ATM: variants seen among roughly 807,000 people sequenced by gnomAD.
ATM encodes the protein serine-protein kinase ATM.
In ATM, 308 loss-of-function variants were observed where a neutral mutation model predicts 387.0. The observed-to-expected ratio is 0.80, with a 90% CI of 0.73 to 0.87. The LOEUF is 0.87. Ranked by LOEUF, ATM falls within the 40% of genes least tolerant of loss-of-function variation. The pLI, the probability that ATM is intolerant of heterozygous loss-of-function variation, is 0.00. For missense variants in ATM, 3,312 were observed against 3,560.9 expected (o/e 0.93, Z 1.78); for synonymous variants, 1,156 against 1,187.3 (o/e 0.97, Z 0.54).
intron 22 of ATM, among the ~76,000 whole-genome samples, chr11:108,277,613 G>A (rs549855179): frequency 3.3e-5 from 5 of 152,230 alleles, no homozygotes; most frequent in South Asian, 4.1e-4. Context: ...AGTCCCTCAC[G>A]GCTTCCCTTG....
intron 59 of ATM, among the ~76,000 whole-genome samples, chr11:108,348,904 T>C (rs2088827294): frequency 6.6e-6 from 1 of 152,192 alleles, no homozygotes; most frequent in African/African-American, 2.4e-5. Context: ...ATAATGAAGC[T>C]GGTTTGGTTA....
chr11:108,284,848 C>G (rs994950964), intron 26 of ATM, among the ~76,000 whole-genome samples: 2 of 152,200 alleles, frequency 1.3e-5, no homozygotes, highest in Non-Finnish European at 2.9e-5. Flanking sequence ...AAGCTTTCCA[C>G]TTTTCAAGAA....
chr11:108,282,450 T>A (rs1474692175), intron 24 of ATM, among the ~76,000 whole-genome samples: 1 of 152,076 alleles, frequency 6.6e-6, no homozygotes, highest in Non-Finnish European at 1.5e-5. Flanking sequence ...AATCTTCCTT[T>A]AAGTATAACC....
Position 108,253,820 on chromosome 11 carries a change from C to T in ATM, c.1905C>T (p.His635=), listed in dbSNP as rs1020808836. The T allele has an allele frequency of 3.7e-6, 6 of 1,612,864 alleles. No individual in the cohort carries two copies. The African/African-American group carries it at 6.7e-5, about 18-fold the overall frequency. The change falls in exon 13 of 63, where the codon CAC becomes CAT. Residue 635 remains histidine (H), a synonymous_variant. Transcript: ENST00000675843. ...AGATCTTACTTTCTTGAAGTGAACA[C>T]CACCAAAAAGATAAAGAAGAACTTT... ...NFFQSVPECE[H]HQKDKEELSF...
intron 16 of ATM, among the ~76,000 whole-genome samples, chr11:108,266,469 ACT>A (rs1378213817): frequency 7.9e-6 from 1 of 126,048 alleles, no homozygotes; most frequent in Non-Finnish European, 1.6e-5. Flanking sequence ...GGAATATCAC[ACT>A]CTGTGGACTG....
At chr11:108,337,077 A>G (rs1442125953) in intron 56 of ATM, among the ~76,000 whole-genome samples, 2 of 152,114 alleles carry the variant, frequency 1.3e-5, no homozygotes, top group African/African-American at 4.8e-5. Context: ...AAAGCCCTAA[A>G]TAGGGGAGTG....
Position 108,227,810 on chromosome 11 carries a change from A to G in ATM, c.107A>G (p.Asp36Gly), listed in dbSNP as rs1488019755. 5 of 1,613,734 alleles carry G rather than the reference A, an allele frequency of 3.1e-6. No homozygotes were observed. In the East Asian group the frequency reaches 1.1e-4, roughly 36 times the overall value. Residue 36 changes from aspartate to glycine, a missense_variant, in exon 3 of 63, where the codon GAT becomes GGT. By Grantham distance (94) the Asp-to-Gly change is moderately conservative. Transcript: ENST00000675843. ...EVEKFKRLIR[D>G]PETIKHLDRH... ...GAGAAATTTAAGCGCCTGATTCGAG[A>G]TCCTGAAACAATTAAACATCTAGAT...
In ATM at chr11:108,332,800, CAG is replaced by C. The variant is rs2086410142; in HGVS notation, c.7829_7830del (p.Arg2610LysfsTer2). ...CTGCAAATAGAATAATATGTACTAT[CAG>C]AAGTAGGAGACCTCAGATGGTCAGA... ...EAANRIICTI[R>X]SRRPQMVRSV... On this transcript the variant is annotated frameshift_variant, in exon 53 of 63. Transcript: ENST00000675843. LOFTEE classifies it high-confidence loss of function. 2 of 1,613,246 alleles carry C rather than the reference CAG, an allele frequency of 1.2e-6. No individual in the cohort carries two copies. Among genetic ancestry groups the C allele is most frequent in the Non-Finnish European group, 1.7e-6 (2 of 1,179,712 alleles).
At chr11:108,336,010 CA>C in intron 56 of ATM, 49 bp downstream of exon 56, 1 of 1,450,866 alleles carries the variant, frequency 6.9e-7, no homozygotes, top group Non-Finnish European at 9.7e-7. Context: ...TAAAAGATGC[CA>C]TTTGGTTGGG....
rs557881075 is a variant in ATM, at chr11:108,363,052, G to A, written c.8851-2030G>A. 3.6e-3 allele frequency among the ~76,000 whole-genome samples: 541 copies of A among 152,038 alleles called. 2 individuals carry two copies. The highest frequency in any genetic ancestry group is 6.0e-3 in the Non-Finnish European group (405 of 67,978). ...CACTCATCTACCTAATCTTCCCTCC[G>A]TAAATCTGTCCGAATTTCCCCAAAT... On this transcript the variant is annotated intron_variant, in intron 61 of 62. Transcript: ENST00000675843.
rs898091069 is a variant in ATM, at chr11:108,354,872, G to A, written c.8848G>A (p.Glu2950Lys). The A allele has an allele frequency of 1.2e-6, 2 of 1,611,596 alleles. No individual in the cohort carries two copies. The highest frequency in any genetic ancestry group is 1.7e-5 in the Admixed American group (1 of 60,004). Residue 2950 changes from glutamate (E) to lysine (K), a missense_variant and splice_region_variant, in exon 61 of 63, where the codon GAG becomes AAG. By Grantham distance (56) the Glu-to-Lys change is moderately conservative. Around this residue, in one of 4 missense-constraint regions of ATM, gnomAD observed 21 missense variants for 51.6 expected, o/e 0.41. Transcript: ENST00000675843. ...NSQETLLTIV[E>K]VLLYDPLFDW... ...TCAGGAAACTCTGTTAACCATTGTA[G>A]AGGTAAAGTATTTTATAAGGAAGAC... is the stretch of plus-strand genomic sequence containing the variant.
intron 18 of ATM, 151 bp from the exon 19 acceptor site, chr11:108,270,913 C>T: frequency 1.4e-6 from 1 of 699,062 alleles, no homozygotes; most frequent in Non-Finnish European, 2.5e-6. Flanking sequence ...CCAGGCTGTT[C>T]TCAAACTCCT....
rs1555099959 is a variant in ATM, at chr11:108,292,750, C to T, written c.4568C>T (p.Thr1523Ile). 2 of 1,613,988 alleles carry T rather than the reference C, an allele frequency of 1.2e-6. No individual in the cohort carries two copies. Among genetic ancestry groups the T allele is most frequent in the African/African-American group, 1.3e-5 (1 of 75,008 alleles). Reference protein sequence around the residue: ...LENHLHVIVGTLIPLVYEQVE... With the variant: ...LENHLHVIVGILIPLVYEQVE... The stretch of plus-strand genomic sequence containing the variant: ...AACCATCTTCATGTTATTGTTGGTA[C>T]ACTTATACCCCTTGTGTATGAGCAG... Residue 1523 changes from threonine to isoleucine, a missense_variant, in exon 30 of 63, where the codon ACA (threonine) becomes ATA (isoleucine). Thr to Ile is a moderately conservative substitution (Grantham distance 89). Transcript: ENST00000675843.
At position 108,257,604 on chromosome 11, in the gene ATM, A is replaced by C; in HGVS notation, c.2374A>C (p.Lys792Gln). The C allele has an allele frequency of 6.2e-7, 1 of 1,613,502 alleles. No homozygotes were observed. The highest frequency in any genetic ancestry group is 8.5e-7 in the Non-Finnish European group (1 of 1,179,944). ...LCTRCLSNCT[K>Q]KSPNKIASGF... ...TACACGTTGCTTGAGCAACTGTACC[A>C]AGGTAAGATTTTCTTCTTCTTGTTT... Residue 792 changes from lysine (K) to glutamine (Q), a missense_variant and splice_region_variant, in exon 15 of 63, where the codon AAG becomes CAG. By Grantham distance (53) the Lys-to-Gln change is moderately conservative. Transcript: ENST00000675843.
intron 25 of ATM, 103 bp downstream of exon 25, chr11:108,282,982 A>C: frequency 1.4e-6 from 1 of 728,946 alleles, no homozygotes; most frequent in Non-Finnish European, 2.2e-6. Context: ...ACCCATACAC[A>C]TGTGTGTGTG....
intron 61 of ATM, among the ~76,000 whole-genome samples, chr11:108,357,681 G>C (rs1244508843): frequency 6.6e-6 from 1 of 152,166 alleles, no homozygotes; most frequent in African/African-American, 2.4e-5. Context: ...CCCAGCAGGG[G>C]CACACTGACA....
rs1352244890 is a variant in ATM, at chr11:108,325,485, AT to A, written c.6750del (p.Leu2251SerfsTer6). 1 of 1,613,674 alleles carries A rather than the reference AT, an allele frequency of 6.2e-7. No individual in the cohort carries two copies. The highest frequency in any genetic ancestry group is 1.7e-5 in the Admixed American group (1 of 60,016). ...DNSQRECIKD[I>X]LTKHLVELSI... ...CTCACAAAGAGAATGTATTAAGGAC[AT>A]TCTCACCAAACACCTTGTAGAACTC... On this transcript the variant is annotated frameshift_variant, in exon 46 of 63. Coordinates refer to ENST00000675843, the MANE Select transcript of ATM (RefSeq NM_000051.4). LOFTEE classifies it high-confidence loss of function.
chr11:108,341,732 A>G (rs2087607981), intron 56 of ATM, among the ~76,000 whole-genome samples: 1 of 152,246 alleles, frequency 6.6e-6, no homozygotes, highest in Non-Finnish European at 1.5e-5. Flanking sequence ...TGAAGAATAC[A>G]ATGATATTCA....
At position 108,247,136 on chromosome 11, in the gene ATM, A is replaced by C; in HGVS notation, c.1065+9A>C. 1 of 1,613,578 alleles carries C rather than the reference A, an allele frequency of 6.2e-7. No individual in the cohort carries two copies. The highest frequency in any genetic ancestry group is 8.5e-7 in the Non-Finnish European group (1 of 1,179,740). ...CAGATATCTGTCACCAGGTACAGTAAGTAGGTCATGTCACATTTAGAAATT... is the reference window on the plus strand; with the variant it reads ...CAGATATCTGTCACCAGGTACAGTACGTAGGTCATGTCACATTTAGAAATT... On this transcript the variant is annotated intron_variant, in intron 8 of 62. Coordinates refer to ENST00000675843, the MANE Select transcript of ATM (RefSeq NM_000051.4).
Sources: allele counts gnomAD v4.1 joint callset (sites outside exome capture counted in the v4.1 genomes callset), GRCh38; gene constraint gnomAD v4.1.1; regional missense constraint gnomAD v4.1.1; transcripts MANE v1.5; gene names NCBI Gene and HGNC (gene_info 2026-07-23, HGNC 2026-07-21).